The following SLC30A3 variants were observed in gnomAD, a reference collection of about 807,000 sequenced individuals.
SLC30A3 encodes solute carrier family 30 member 3, also known as probable proton-coupled zinc antiporter SLC30A3.
A neutral mutation model predicts 35.6 loss-of-function variants in SLC30A3; 20 were observed. The observed-to-expected ratio is 0.56, with a 90% CI of 0.39 to 0.82. The LOEUF (loss-of-function observed/expected upper bound fraction) is 0.82. Among genes scored for constraint, SLC30A3 ranks in the 40% least tolerant of loss-of-function variants. SLC30A3 has a pLI of 0.00. For synonymous variants in SLC30A3, 217 were observed against 224.7 expected (o/e 0.97, Z 0.31); for missense variants, 401 against 530.6 (o/e 0.76, Z 2.40).
At position 27,255,301 on chromosome 2, in the gene SLC30A3, A is replaced by G. The variant is rs1161644062; in HGVS notation, c.*11T>C. The stretch of plus-strand genomic sequence containing the variant: ...CTCGGCCTGGCAGTGGGGTGAGGGC[A>G]GGGCCATGGCTCAGGCTTGGGGGGG... On this transcript the variant is annotated 3_prime_UTR_variant, in exon 8 of 8. Transcript: ENST00000233535. The surrounding 1 kb of genome is among the most constrained non-coding windows in gnomAD (Gnocchi z 5.2). 1.9e-6 allele frequency: 3 copies of G among 1,613,736 alleles called. No individual in the cohort carries two copies. Among genetic ancestry groups the G allele is most frequent in the East Asian group, 4.5e-5 (2 of 44,874 alleles).
rs1022859787 is a variant in SLC30A3, at chr2:27,255,496, G to A, written c.1019-36C>T. 1.2e-6 allele frequency: 2 copies of A among 1,604,992 alleles called. No individual in the cohort carries two copies. Among genetic ancestry groups the A allele is most frequent in the African/African-American group, 2.7e-5 (2 of 74,896 alleles). On this transcript the variant is annotated intron_variant, in intron 7 of 7. Coordinates refer to ENST00000233535, the MANE Select transcript of SLC30A3 (RefSeq NM_003459.5). The surrounding 1 kb of genome is among the most constrained non-coding windows in gnomAD (Gnocchi z 5.2). The stretch of plus-strand genomic sequence containing the variant: ...GTGATAAGAGGCGGCATCCATCCCG[G>A]GGGAGAAAGAACAGGCAGGGACTGA...
Position 27,257,135 on chromosome 2 carries a change from A to C in SLC30A3, c.777+19T>G. On this transcript the variant is annotated intron_variant, in intron 5 of 7. Transcript: ENST00000233535. The surrounding 1 kb of genome is among the most constrained non-coding windows in gnomAD (Gnocchi z 4.7). ...TGGTTGTGGGGAGGAAGGCTGGGGC[A>C]GGTCTCCAATGATGGTACCTTGAAG... 6.2e-7 allele frequency: 1 copy of C among 1,610,844 alleles called. No individual in the cohort carries two copies. Among genetic ancestry groups the C allele is most frequent in the Non-Finnish European group, 8.5e-7 (1 of 1,177,184 alleles).
chr2:27,257,383 G>C lies in SLC30A3; in HGVS notation c.579-31C>G. 6.3e-7 allele frequency: 1 copy of C among 1,575,278 alleles called. No individual in the cohort carries two copies. Among genetic ancestry groups the C allele is most frequent in the East Asian group, 2.4e-5 (1 of 42,326 alleles). The stretch of plus-strand genomic sequence containing the variant: ...GGGTAAGCAGAGCACCTCAGCCTAG[G>C]GCCCTGCTCCTGGCCTCCTATACCC... On this transcript the variant is annotated intron_variant, in intron 4 of 7. Coordinates refer to ENST00000233535, the MANE Select transcript of SLC30A3 (RefSeq NM_003459.5). This position sits in a 1 kb window ranked among gnomAD's most constrained non-coding sequence, Gnocchi z 4.7.
At position 27,257,863 on chromosome 2, in the gene SLC30A3, G is replaced by A. The variant is rs752918036; in HGVS notation, c.578+42C>T. ...CTCCCATCCTGGAGGAAGACCCCTC[G>A]CCCTGGGCCCCACAAGGTGCCTGCT... On this transcript the variant is annotated intron_variant, in intron 4 of 7. Coordinates refer to ENST00000233535, the MANE Select transcript of SLC30A3 (RefSeq NM_003459.5). The surrounding 1 kb of genome is among the most constrained non-coding windows in gnomAD (Gnocchi z 4.7). 8 of 1,578,988 alleles carry A rather than the reference G, an allele frequency of 5.1e-6. No homozygotes were observed. The highest frequency in any genetic ancestry group is 1.3e-5 in the African/African-American group (1 of 74,330).
At position 27,271,662 on chromosome 2, in the gene SLC30A3, G is replaced by C. The variant is rs1267550937; in HGVS notation, c.-159+3515C>G. Among the ~76,000 whole-genome samples, 1 of 152,234 alleles carries C rather than the reference G, an allele frequency of 6.6e-6. No individual in the cohort carries two copies. Among genetic ancestry groups the C allele is most frequent in the Non-Finnish European group, 1.5e-5 (1 of 68,042 alleles). On this transcript the variant is annotated intron_variant, in intron 1 of 5. Coordinates refer to the SLC30A3 transcript ENST00000424577. The surrounding 1 kb of genome is among the most constrained non-coding windows in gnomAD (Gnocchi z 4.3). The stretch of plus-strand genomic sequence containing the variant: ...TGGCTTGTGTGTTCTTCCTAGGACT[G>C]AGCTGCGTGTGAGAAGAGCCCAGGC...
At chr2:27,256,250 A>G in intron 7 of SLC30A3, 136 bp downstream of exon 7, 3 of 975,020 alleles carry the variant, frequency 3.1e-6, no homozygotes, top group South Asian at 1.5e-5. Context: ...GTATGTGTCT[A>G]TGTGAGAGAG....
At chr2:27,256,584 C>T (rs939373437) in intron 6 of SLC30A3, 64 bp from the exon 7 acceptor site, 27 of 1,598,180 alleles carry the variant, frequency 1.7e-5, no homozygotes, top group Non-Finnish European at 2.2e-5. Flanking sequence ...AGCACCCCCA[C>T]CACTGGATTC....
chr2:27,268,335 T>C (rs991218757), intron 1 of SLC30A3, among the ~76,000 whole-genome samples: 2 of 152,164 alleles, frequency 1.3e-5, no homozygotes, highest in African/African-American at 4.8e-5. Flanking sequence ...TGGTTGATAT[T>C]TGTTGAGTAA....
chr2:27,258,063 G>A lies in SLC30A3; in HGVS notation c.425-5C>T, dbSNP rs773070997. On this transcript the variant is annotated splice_region_variant and splice_polypyrimidine_tract_variant and intron_variant, in intron 3 of 7. Coordinates refer to ENST00000233535, the MANE Select transcript of SLC30A3 (RefSeq NM_003459.5). The surrounding 1 kb of genome is among the most constrained non-coding windows in gnomAD (Gnocchi z 4.0). ...AGGCCAAAGCCCCCAGAGTCTCTGC[G>A]GGTGGGGGGGGAGACAAGCTGTCAG... 10 of 1,613,626 alleles carry A rather than the reference G, an allele frequency of 6.2e-6. No individual in the cohort carries two copies. The highest frequency in any genetic ancestry group is 1.1e-5 in the South Asian group (1 of 91,076).
Position 27,262,882 on chromosome 2 carries a change from C to T in SLC30A3, c.25G>A (p.Gly9Ser). The change falls in exon 1 of 8, where the codon GGC becomes AGC. Residue 9 changes from glycine to serine, a missense_variant. Gly to Ser is a moderately conservative substitution (Grantham distance 56, BLOSUM62 0). Transcript: ENST00000233535. The surrounding 1 kb of genome is among the most constrained non-coding windows in gnomAD (Gnocchi z 7.5). Reference protein sequence around the residue: MEPSPAAGGLETTRLVSPR... With the variant: MEPSPAAGSLETTRLVSPR... ...CTCACCAGGCGAGTGGTCTCCAAGC[C>T]CCCAGCGGCTGGAGAGGGCTCCATG... The T allele has an allele frequency of 6.4e-7, 1 of 1,557,872 alleles. No individual in the cohort carries two copies. Among genetic ancestry groups the T allele is most frequent in the Middle Eastern group, 1.7e-4 (1 of 5,742 alleles).
intron 1 of SLC30A3, among the ~76,000 whole-genome samples, chr2:27,270,473 G>A (rs1443721208): frequency 6.6e-6 from 1 of 151,342 alleles, no homozygotes; most frequent in East Asian, 1.9e-4. Context: ...TAGGGGAGGG[G>A]AAGGACCCTG....
intron 1 of SLC30A3, among the ~76,000 whole-genome samples, chr2:27,273,288 T>C (rs567516572): frequency 1.2e-4 from 18 of 152,090 alleles, no homozygotes; most frequent in African/African-American, 4.1e-4. Context: ...CACGATGTTT[T>C]CAAATAACTA....
intron 1 of SLC30A3, among the ~76,000 whole-genome samples, chr2:27,260,632 G>A (rs1165802674): frequency 2.0e-5 from 3 of 152,222 alleles, no homozygotes; most frequent in African/African-American, 7.2e-5. Flanking sequence ...GATGGCTCCA[G>A]ATAGAAATGT....
chr2:27,267,894 C>T (rs1441995685), upstream of SLC30A3, among the ~76,000 whole-genome samples: 4 of 150,890 alleles, frequency 2.7e-5, no homozygotes, highest in Admixed American at 6.6e-5. Flanking sequence ...GAGATCTTGC[C>T]ACTGCACTCC....
In SLC30A3 at chr2:27,256,476, A is replaced by G. The variant is rs1676859102; in HGVS notation, c.928T>C (p.Leu310=). 1 of 1,614,044 alleles carries G rather than the reference A, an allele frequency of 6.2e-7. No homozygotes were observed. The highest frequency in any genetic ancestry group is 8.5e-7 in the Non-Finnish European group (1 of 1,179,998). Residue 310 remains leucine (L), a synonymous_variant, in exon 7 of 8, where the codon TTG becomes CTG. Coordinates refer to ENST00000233535, the MANE Select transcript of SLC30A3 (RefSeq NM_003459.5). ...VGFEPVRDTL[L]SVPGVRATHE... ...GTTGCCCGGACTCCTGGCACCGACA[A>G]CAGCGTATCCCGCACAGGTTCGAAC...
intron 6 of SLC30A3, 52 bp downstream of exon 6, chr2:27,256,736 G>C: frequency 2.1e-6 from 3 of 1,405,156 alleles, no homozygotes; most frequent in South Asian, 2.4e-5. Flanking sequence ...CCCACTGCGA[G>C]AGTAAAGTCA....
upstream of SLC30A3, chr2:27,275,416 G>A (rs1035988760): frequency 1.3e-4 from 49 of 372,234 alleles, 1 homozygote; most frequent in South Asian, 9.4e-4. Flanking sequence ...GCTTCCGGGG[G>A]CGCCAAAAAA....
Position 27,257,860 on chromosome 2 carries a change from C to A in SLC30A3, c.578+45G>T. On this transcript the variant is annotated intron_variant, in intron 4 of 7. Transcript: ENST00000233535. The surrounding 1 kb of genome is among the most constrained non-coding windows in gnomAD (Gnocchi z 4.7). Reference sequence around the variant, plus strand: ...GCTCTCCCATCCTGGAGGAAGACCCCTCGCCCTGGGCCCCACAAGGTGCCT... The same window carrying A: ...GCTCTCCCATCCTGGAGGAAGACCCATCGCCCTGGGCCCCACAAGGTGCCT... 1.9e-6 allele frequency: 3 copies of A among 1,573,392 alleles called. No homozygotes were observed. Among genetic ancestry groups the A allele is most frequent in the Non-Finnish European group, 2.6e-6 (3 of 1,155,772 alleles).
rs1203144259 is a variant in SLC30A3, at chr2:27,253,973, G to A, written c.*1339C>T. The stretch of plus-strand genomic sequence containing the variant: ...AGGCCACTATGTCCAGCTTGAGTTT[G>A]ATTTTTTTTAAAGAGAAAATCAACA... On this transcript the variant is annotated 3_prime_UTR_variant, in exon 8 of 8. Coordinates refer to ENST00000233535, the MANE Select transcript of SLC30A3 (RefSeq NM_003459.5). 1.3e-5 allele frequency: 2 copies of A among 152,174 alleles called. No homozygotes were observed. Among genetic ancestry groups the A allele is most frequent in the African/African-American group, 2.4e-5 (1 of 41,442 alleles). 9.4% of individuals were successfully genotyped at this position (152,174 alleles called of 1,614,324 possible).
Sources: gnomAD v4.1 joint callset for allele counts (sites outside exome capture counted in the v4.1 genomes callset) on GRCh38, gnomAD v4.1.1 for gene constraint, Gnocchi (gnomAD v3.1) non-coding constraint, MANE v1.5 for transcripts, NCBI Gene and HGNC (gene_info 2026-07-23, HGNC 2026-07-21) for gene names.